The following DPM2 variants were observed in gnomAD, a reference collection of about 807,000 sequenced individuals.
DPM2 encodes the protein dolichyl-phosphate mannosyltransferase subunit 2, regulatory, also known as dolichol phosphate-mannose biosynthesis regulatory protein.
DPM2 carries 8 observed loss-of-function variants against 12.1 expected under a neutral mutation model. The ratio of observed to expected loss-of-function variants is 0.66; its 90% CI spans 0.39 to 1.19. The LOEUF (loss-of-function observed/expected upper bound fraction) is 1.19, where lower values mean the gene tolerates loss of function less well. Among genes scored for constraint, DPM2 ranks in the 50% most tolerant of loss-of-function variants. DPM2 has a pLI of 0.01. For missense variants in DPM2, 93 were observed against 102.5 expected (o/e 0.91, Z 0.40); for synonymous variants, 38 against 44.7 (o/e 0.85, Z 0.60).
intron 3 of DPM2, 186 bp from the exon 4 acceptor site, chr9:127,935,966 A>G (rs932458042): frequency 1.6e-6 from 1 of 616,604 alleles, no homozygotes; most frequent in Non-Finnish European, 2.9e-6. Context: ...CTCAACAAAC[A>G]CCAACTGAGT....
chr9:127,937,677 C>A, intron 1 of DPM2, 141 bp downstream of exon 1: 1 of 1,275,116 alleles, frequency 7.8e-7, no homozygotes, highest in Non-Finnish European at 1.1e-6. Context: ...GGAGAGAATG[C>A]TAGGCCTCCG....
At position 127,935,594 on chromosome 9, in the gene DPM2, G is replaced by C; in HGVS notation, c.*128C>G. 1 of 912,746 alleles carries C rather than the reference G, an allele frequency of 1.1e-6. No individual in the cohort carries two copies. The highest frequency in any genetic ancestry group is 1.7e-6 in the Non-Finnish European group (1 of 575,190). The allele number at this position is 912,746 out of a possible 1,614,324, so 56.5% of individuals were successfully genotyped here. On this transcript the variant is annotated 3_prime_UTR_variant, in exon 4 of 4. Coordinates refer to ENST00000314392, the MANE Select transcript of DPM2 (RefSeq NM_003863.4). ...AGTCAGGTGTAAGCTCCATGCCATG[G>C]GGACTCTGCAGGACAGGCAGGCTTG...
intron 2 of DPM2, chr9:127,937,115 C>T (rs1469185670): frequency 3.3e-6 from 1 of 306,796 alleles, no homozygotes; most frequent in Non-Finnish European, 6.0e-6. Flanking sequence ...ACAAATATCA[C>T]TGGCGTTTGC....
intron 1 of DPM2, 33 bp from the exon 2 acceptor site, chr9:127,937,556 G>T: frequency 6.4e-7 from 1 of 1,564,850 alleles, no homozygotes; most frequent in Non-Finnish European, 8.8e-7. Flanking sequence ...CTGACGAAGT[G>T]ACCCTCTATT....
chr9:127,935,293 G>A lies in DPM2; in HGVS notation c.*429C>T. 7.4e-6 allele frequency: 2 copies of A among 270,432 alleles called. No individual in the cohort carries two copies. The highest frequency in any genetic ancestry group is 1.5e-5 in the Non-Finnish European group (2 of 136,746). The allele number at this position is 270,432 out of a possible 1,614,324, so 16.8% of individuals were successfully genotyped here. A position where few individuals can be genotyped will look rare whatever the true frequency, so the allele number is the denominator to read the frequency against. ...AGAAGGCTTTGTGGGGTCTGGGGCT[G>A]TGTCAGGGTAAGGAAAGCTGCCTTG... On this transcript the variant is annotated 3_prime_UTR_variant, in exon 4 of 4. Transcript: ENST00000314392.
intron 3 of DPM2, 86 bp from the exon 4 acceptor site, chr9:127,935,866 C>A: frequency 7.4e-7 from 1 of 1,345,190 alleles, no homozygotes; most frequent in Non-Finnish European, 1.1e-6. Flanking sequence ...GAGCCACCCA[C>A]ACACAGGGCT....
rs953422358 is a variant in DPM2, at chr9:127,935,962, A to G, written c.197-182T>C. Reference sequence around the variant, plus strand: ...ATATGTCTACTCACATTCACTCAACAAACACCAACTGAGTGCCTGCCTCAA... The same window carrying G: ...ATATGTCTACTCACATTCACTCAACGAACACCAACTGAGTGCCTGCCTCAA... On this transcript the variant is annotated intron_variant, in intron 3 of 3. Transcript: ENST00000314392. The G allele has an allele frequency of 1.1e-5, 7 of 624,628 alleles. No individual in the cohort carries two copies. In the East Asian group the frequency reaches 1.4e-4, roughly 12 times the overall value. 38.7% of individuals were successfully genotyped at this position (624,628 alleles called of 1,614,324 possible). A position where few individuals can be genotyped will look rare whatever the true frequency, so the allele number is the denominator to read the frequency against.
rs929934652 is a variant in DPM2, at chr9:127,937,745, G to A, written c.3+73C>T. ...AGCAATCCCCGTTCCAAGTGCCCAT[G>A]CCCCAGCTCCTGAGCAGACCCGGGA... is the stretch of plus-strand genomic sequence containing the variant. On this transcript the variant is annotated intron_variant, in intron 1 of 3. Coordinates refer to ENST00000314392, the MANE Select transcript of DPM2 (RefSeq NM_003863.4). The A allele has an allele frequency of 5.7e-6, 9 of 1,588,694 alleles. No individual in the cohort carries two copies. The South Asian group carries it at 8.8e-5, about 16-fold the overall frequency.
rs760202275 is a variant in DPM2 at position 127,936,668 on chromosome 9, GA to G, written c.94-14del. The stretch of plus-strand genomic sequence containing the variant: ...TGTCGATGAATGGCTGGCATCGAGG[GA>G]AGAGCTCTGGTGTGTCTTGCTTGCC... On this transcript the variant is annotated splice_polypyrimidine_tract_variant and intron_variant, in intron 2 of 3. Transcript: ENST00000314392. 1.0e-4 allele frequency: 155 copies of G among 1,492,762 alleles called. No homozygotes were observed. The highest frequency in any genetic ancestry group is 1.3e-4 in the Non-Finnish European group (151 of 1,122,214). 92.5% of individuals were successfully genotyped at this position (1,492,762 alleles called of 1,614,324 possible). A position where few individuals can be genotyped will look rare whatever the true frequency, so the allele number is the denominator to read the frequency against.
In DPM2 at chr9:127,935,368, T is replaced by A. The variant is rs367835581; in HGVS notation, c.*354A>T. The A allele has an allele frequency of 2.1e-5, 8 of 385,334 alleles. No homozygotes were observed. Among genetic ancestry groups the A allele is most frequent in the South Asian group, 1.5e-4 (6 of 40,556 alleles). The allele number at this position is 385,334 out of a possible 1,614,324, so 23.9% of individuals were successfully genotyped here. ...TCACACATGTGGCCTTAGAACCTGC[T>A]AAGTCCAACGTCAGCATGTGACAGG... On this transcript the variant is annotated 3_prime_UTR_variant, in exon 4 of 4. Transcript: ENST00000314392.
intron 2 of DPM2, chr9:127,937,017 AC>A: frequency 3.5e-6 from 1 of 287,604 alleles, no homozygotes; most frequent in Non-Finnish European, 6.4e-6. Context: ...TCTAAAGGAT[AC>A]CAAGTTCTGC....
At position 127,936,558 on chromosome 9, in the gene DPM2, A is replaced by G. The variant is rs1282439336; in HGVS notation, c.191T>C (p.Phe64Ser). The G allele has an allele frequency of 6.3e-7, 1 of 1,590,658 alleles. No homozygotes were observed. The highest frequency in any genetic ancestry group is 2.3e-5 in the East Asian group (1 of 43,846). Residue 64 changes from phenylalanine to serine, a missense_variant, in exon 3 of 4, where the codon TTT becomes TCT. By Grantham distance (155) the Phe-to-Ser change is radical (BLOSUM62 -2). Coordinates refer to ENST00000314392, the MANE Select transcript of DPM2 (RefSeq NM_003863.4). ...GGGAGGAGGTGATGACTTACCCACAAACAGGAGCAGCAGGAGGCCTGCAGC... is the reference window on the plus strand; with the variant it reads ...GGGAGGAGGTGATGACTTACCCACAGACAGGAGCAGCAGGAGGCCTGCAGC... ...PLAAGLLLLLFVGLFISYVML... is the reference protein window; with the variant it reads ...PLAAGLLLLLSVGLFISYVML...
Position 127,935,915 on chromosome 9 carries a change from C to A in DPM2, c.197-135G>T, listed in dbSNP as rs1460392626. The A allele has an allele frequency of 3.9e-6, 3 of 774,356 alleles. No individual in the cohort carries two copies. The African/African-American group carries it at 5.1e-5, about 13-fold the overall frequency. 48.0% of individuals were successfully genotyped at this position (774,356 alleles called of 1,614,324 possible). On this transcript the variant is annotated intron_variant, in intron 3 of 3. Transcript: ENST00000314392. ...ACCATCCTCCAGGGAACCTGCTTATCTCCCTAGTCATTCGTCAAGGCATAT... is the reference window on the plus strand; with the variant it reads ...ACCATCCTCCAGGGAACCTGCTTATATCCCTAGTCATTCGTCAAGGCATAT...
chr9:127,935,885 AC>A, intron 3 of DPM2, 105 bp from the exon 4 acceptor site: 1 of 1,077,718 alleles, frequency 9.3e-7, no homozygotes, highest in Non-Finnish European at 1.4e-6. Flanking sequence ...CTGTGAACCT[AC>A]CCAACCATCC....
intron 1 of DPM2, 80 bp downstream of exon 1, chr9:127,937,738 T>C: frequency 6.4e-7 from 1 of 1,568,556 alleles, no homozygotes; most frequent in Non-Finnish European, 8.8e-7. Flanking sequence ...CCGTTCCAAG[T>C]GCCCATGCCC....
chr9:127,937,546 C>T (rs1292115912), intron 1 of DPM2, 23 bp from the exon 2 acceptor site: 1 of 1,587,848 alleles, frequency 6.3e-7, no homozygotes, highest in Non-Finnish European at 8.6e-7. Flanking sequence ...GAGGTCTCAG[C>T]TGACGAAGTG....
intron 3 of DPM2, chr9:127,935,981 G>A (rs1831498492): frequency 1.6e-6 from 1 of 608,360 alleles, no homozygotes; most frequent in Non-Finnish European, 2.9e-6. Context: ...CTGAGTGCCT[G>A]CCTCAAGCAA....
At chr9:127,936,473 G>A (rs990361666) in intron 3 of DPM2, 80 bp downstream of exon 3, 12 of 1,610,028 alleles carry the variant, frequency 7.5e-6, no homozygotes, top group East Asian at 2.2e-5. Context: ...TTCCAGCACC[G>A]CCAAAGTGTG....
At position 127,936,596 on chromosome 9, in the gene DPM2, G is replaced by A. The variant is rs768733587; in HGVS notation, c.153C>T (p.Val51=). The A allele has an allele frequency of 1.9e-5, 29 of 1,554,778 alleles. No individual in the cohort carries two copies. The highest frequency in any genetic ancestry group is 7.2e-5 in the South Asian group (6 of 83,286). The change falls in exon 3 of 4, where the codon GTC becomes GTT. Residue 51 remains valine (V), a synonymous_variant. Coordinates refer to ENST00000314392, the MANE Select transcript of DPM2 (RefSeq NM_003863.4). ...GGAGGCCTGCAGCCAGTGGGATGGCGACAGCATAGGCTCGGGGCAGGAAAT... is the reference window on the plus strand; with the variant it reads ...GGAGGCCTGCAGCCAGTGGGATGGCAACAGCATAGGCTCGGGGCAGGAAAT... ...HKYFLPRAYA[V]AIPLAAGLLL...
Sources: allele counts gnomAD v4.1 joint callset, GRCh38; gene constraint gnomAD v4.1.1; transcripts MANE v1.5; gene names NCBI Gene and HGNC (gene_info 2026-07-23, HGNC 2026-07-21).